The following CDRT4 variants were observed in gnomAD, a reference collection of about 807,000 sequenced individuals.
CDRT4 encodes CMT1A duplicated region transcript 4, also known as CMT1A duplicated region transcript 4 protein.
For synonymous variants in CDRT4, 64 were observed against 69.6 expected, an observed-to-expected ratio of 0.92 and a Z score of 0.40; for missense variants, 167 against 193.1, an observed-to-expected ratio of 0.87 and a Z score of 0.80.
intron 1 of CDRT4, among the ~76,000 whole-genome samples, chr17:15,454,114 C>T (rs1362675044): frequency 3.3e-5 from 5 of 152,176 alleles, no homozygotes; most frequent in South Asian, 2.1e-4. Flanking sequence ...AGGGAAGGGA[C>T]TGAAGTCATG....
intron 1 of CDRT4, among the ~76,000 whole-genome samples, chr17:15,456,562 T>TTA (rs555292050): frequency 8.5e-6 from 1 of 118,304 alleles, no homozygotes; most frequent in South Asian, 2.6e-4. Flanking sequence ...TAATCTTCCT[T>TTA]TACACACACA....
intron 2 of CDRT4, among the ~76,000 whole-genome samples, chr17:15,444,913 A>G (rs1269400211): frequency 6.6e-6 from 1 of 152,194 alleles, no homozygotes; most frequent in Non-Finnish European, 1.5e-5. Context: ...CTTAGATCAA[A>G]GAAGAAGCAG....
chr17:15,454,519 C>T (rs1979401358), intron 1 of CDRT4, among the ~76,000 whole-genome samples: 2 of 152,216 alleles, frequency 1.3e-5, no homozygotes, highest in Admixed American at 1.3e-4. Flanking sequence ...CAGGCACACT[C>T]CTGTGTAACT....
At chr17:15,446,341 T>C (rs1979025395) in intron 2 of CDRT4, among the ~76,000 whole-genome samples, 1 of 152,090 alleles carries the variant, frequency 6.6e-6, no homozygotes, top group Non-Finnish European at 1.5e-5. Context: ...GCCCCACCTC[T>C]AACAAATGGG....
At chr17:15,441,681 C>T (rs1396669885) in intron 2 of CDRT4, among the ~76,000 whole-genome samples, 1 of 152,168 alleles carries the variant, frequency 6.6e-6, no homozygotes, top group Non-Finnish European at 1.5e-5. Context: ...TTCACACATT[C>T]CAGCATTTTA....
chr17:15,457,454 G>A (rs1413945506), intron 1 of CDRT4, among the ~76,000 whole-genome samples: 1 of 152,246 alleles, frequency 6.6e-6, no homozygotes, highest in African/African-American at 2.4e-5. Context: ...GGAGCCCACA[G>A]AGCGGGCGCT....
intron 2 of CDRT4, among the ~76,000 whole-genome samples, chr17:15,446,152 C>T (rs1979015368): frequency 6.6e-6 from 1 of 152,126 alleles, no homozygotes; most frequent in Non-Finnish European, 1.5e-5. Context: ...CCCGAATGGG[C>T]CGACAAGAGA....
At chr17:15,442,991 G>A (rs1045806281) in intron 2 of CDRT4, among the ~76,000 whole-genome samples, 1 of 152,316 alleles carries the variant, frequency 6.6e-6, no homozygotes, top group Non-Finnish European at 1.5e-5. Context: ...GCAGGAGGCA[G>A]AGCGTTGAAG....
chr17:15,454,451 G>A (rs951169078), intron 1 of CDRT4, among the ~76,000 whole-genome samples: 6 of 152,108 alleles, frequency 3.9e-5, no homozygotes, highest in Admixed American at 1.3e-4. Context: ...AAGAGTCTAC[G>A]AGCCACACAC....
At chr17:15,441,207 G>A (rs564285108) in intron 2 of CDRT4, among the ~76,000 whole-genome samples, 520 of 152,274 alleles carry the variant, frequency 3.4e-3, no homozygotes, top group Middle Eastern at 0.014. Context: ...ATTCTGAACA[G>A]CTCCCAGATG....
intron 3 of CDRT4, among the ~76,000 whole-genome samples, chr17:15,439,530 G>C (rs1978655908): frequency 6.6e-6 from 1 of 152,184 alleles, no homozygotes; most frequent in South Asian, 2.1e-4. Context: ...GATCTTGTGG[G>C]ATAGGGCATT....
intron 2 of CDRT4, among the ~76,000 whole-genome samples, chr17:15,442,919 G>A (rs915123021): frequency 6.6e-5 from 10 of 152,190 alleles, no homozygotes; most frequent in Non-Finnish European, 1.3e-4. Context: ...GTTCCATTTT[G>A]TGTCCCTGTA....
rs1487057343 is a variant in CDRT4 at position 15,436,052 on chromosome 17, T to C, written c.*1721A>G. 6.6e-6 allele frequency: 1 copy of C among 152,176 alleles called. No homozygotes were observed. Among genetic ancestry groups the C allele is most frequent in the Non-Finnish European group, 1.5e-5 (1 of 68,038 alleles). 9.4% of individuals were successfully genotyped at this position (152,176 alleles called of 1,614,324 possible). On this transcript the variant is annotated 3_prime_UTR_variant, in exon 4 of 4. Coordinates refer to ENST00000619038, the MANE Select transcript of CDRT4 (RefSeq NM_001204477.2). ...TGGAGGAATTTATTGCCTGCCTCCA[T>C]GTCTATAAACGTTCCATGGACACAA...
chr17:15,441,656 TTA>T (rs1173909835), intron 2 of CDRT4, among the ~76,000 whole-genome samples: 8 of 152,228 alleles, frequency 5.3e-5, no homozygotes, highest in African/African-American at 1.9e-4. Context: ...TCCACTATTT[TTA>T]TAGAGTAAAT....
rs189764271 is a variant in CDRT4, at chr17:15,450,795, C to G, written c.-48+2209G>C. On this transcript the variant is annotated intron_variant, in intron 2 of 3. Coordinates refer to ENST00000619038, the MANE Select transcript of CDRT4 (RefSeq NM_001204477.2). This position sits in a 1 kb window ranked among gnomAD's most constrained non-coding sequence, Gnocchi z 4.2. ...CTTGACCTTACTCCATAAAATGTTC[C>G]TCTCTGGTCTCTTCCATCTCAGAAA... 2.0e-3 allele frequency among the ~76,000 whole-genome samples: 307 copies of G among 152,252 alleles called. No homozygotes were observed. Among genetic ancestry groups the G allele is most frequent in the African/African-American group, 7.3e-3 (304 of 41,544 alleles).
At position 15,437,872 on chromosome 17, in the gene CDRT4, G is replaced by C; in HGVS notation, c.360C>G (p.His120Gln). 2 of 1,614,082 alleles carry C rather than the reference G, an allele frequency of 1.2e-6. No homozygotes were observed. The highest frequency in any genetic ancestry group is 4.5e-5 in the East Asian group (2 of 44,888). ...MAPTMIPEPT[H>Q]LHADSRDCPT... ...GACAGTCTCTGGAATCCGCATGTAAGTGTGTGGGTTCTGGGATCATGGTAG... is the reference window on the plus strand; with the variant it reads ...GACAGTCTCTGGAATCCGCATGTAACTGTGTGGGTTCTGGGATCATGGTAG... The change falls in exon 4 of 4, where the codon CAC becomes CAG. Residue 120 changes from histidine (H) to glutamine (Q), a missense_variant. Physicochemically the swap from His to Gln is conservative, Grantham distance 24. Transcript: ENST00000619038.
chr17:15,461,807 A>G (rs1979761688), intron 1 of CDRT4, among the ~76,000 whole-genome samples: 1 of 152,204 alleles, frequency 6.6e-6, no homozygotes, highest in Non-Finnish European at 1.5e-5. Context: ...ATCAGTAGGT[A>G]CTTCTTGGAG....
In CDRT4 at chr17:15,437,444, T is replaced by G. The variant is rs1978542403; in HGVS notation, c.*329A>C. 1 of 363,660 alleles carries G rather than the reference T, an allele frequency of 2.7e-6. No homozygotes were observed. Among genetic ancestry groups the G allele is most frequent in the East Asian group, 5.6e-5 (1 of 17,882 alleles). The allele number at this position is 363,660 out of a possible 1,614,324, so 22.5% of individuals were successfully genotyped here. On this transcript the variant is annotated 3_prime_UTR_variant, in exon 4 of 4. Coordinates refer to ENST00000619038, the MANE Select transcript of CDRT4 (RefSeq NM_001204477.2). Reference sequence around the variant, plus strand: ...CTGGTTAATCATTCTTTATATTATCTCTAATAAAAGAGCTTGTGTGATTTC... The same window carrying G: ...CTGGTTAATCATTCTTTATATTATCGCTAATAAAAGAGCTTGTGTGATTTC...
intron 2 of CDRT4, among the ~76,000 whole-genome samples, chr17:15,441,167 C>A (rs1331579779): frequency 1.3e-5 from 2 of 152,170 alleles, no homozygotes; most frequent in African/African-American, 2.4e-5. Context: ...CTATCACCTG[C>A]AAAAGCCCAT....
Sources: gnomAD v4.1 joint callset for allele counts (sites outside exome capture counted in the v4.1 genomes callset) on GRCh38, gnomAD v4.1.1 for gene constraint, Gnocchi (gnomAD v3.1) non-coding constraint, MANE v1.5 for transcripts, NCBI Gene and HGNC (gene_info 2026-07-23, HGNC 2026-07-21) for gene names.